CDH12: variants seen among roughly 807,000 people sequenced by gnomAD.
The protein encoded by CDH12 is cadherin 12, also known as cadherin-12.
Under a neutral mutation model 74.1 loss-of-function variants are expected in CDH12, and 41 were observed. The observed-to-expected ratio is 0.55, with a 90% confidence interval of 0.43 to 0.72. CDH12 has a LOEUF of 0.72. Ranked by LOEUF, CDH12 falls within the 30% of genes least tolerant of loss-of-function variation. The probability of loss-of-function intolerance (pLI) is 0.00; values close to 1 mark genes in which losing one functional copy is unlikely to be tolerated. For synonymous variants in CDH12, 399 were observed against 355.0 expected (o/e 1.12, Z -1.39); for missense variants, 945 against 977.2 (o/e 0.97, Z 0.44).
intron 4 of CDH12, chr5:22,141,400 A>T (rs534010183): frequency 2.0e-5 from 3 of 152,182 alleles, no homozygotes; most frequent in Non-Finnish European, 4.4e-5. Context: ...TTTGTATGTA[A>T]GTTGAGACCT....
chr5:21,774,850 A>G (rs1168193832), intron 11 of CDH12, among the ~76,000 whole-genome samples: 2 of 152,214 alleles, frequency 1.3e-5, no homozygotes. Context: ...AGTCAACTAC[A>G]GTCTTTGAGT....
chr5:22,366,455 C>A (rs1741034144), intron 3 of CDH12, among the ~76,000 whole-genome samples: 1 of 152,072 alleles, frequency 6.6e-6, no homozygotes, highest in Admixed American at 6.6e-5. Context: ...TATATAACAT[C>A]TTTGTCCTTA....
chr5:21,842,084 A>T, intron 8 of CDH12, 77 bp downstream of exon 8: 1 of 1,073,916 alleles, frequency 9.3e-7, no homozygotes, highest in Non-Finnish European at 1.4e-6. Context: ...AATGATTGTC[A>T]TTCCCATAGC....
intron 3 of CDH12, among the ~76,000 whole-genome samples, chr5:22,287,266 G>A (rs1737180890): frequency 6.6e-6 from 1 of 151,954 alleles, no homozygotes; most frequent in African/African-American, 2.4e-5. Flanking sequence ...CCTACAGAGA[G>A]GAATGCGAAA....
intron 6 of CDH12, among the ~76,000 whole-genome samples, chr5:21,887,608 C>T (rs532924193): frequency 4.1e-4 from 63 of 152,292 alleles, no homozygotes; most frequent in Admixed American, 2.5e-3. Context: ...TTTGCACTTA[C>T]ACTTCTTCCA....
At chr5:22,356,155 G>T (rs1377362812) in intron 3 of CDH12, among the ~76,000 whole-genome samples, 1 of 152,128 alleles carries the variant, frequency 6.6e-6, no homozygotes, top group African/African-American at 2.4e-5. Flanking sequence ...TTCATTTTAA[G>T]CTCTGTAACA....
At chr5:22,362,752 T>C (rs1403981806) in intron 3 of CDH12, among the ~76,000 whole-genome samples, 1 of 151,500 alleles carries the variant, frequency 6.6e-6, no homozygotes, top group African/African-American at 2.4e-5. Context: ...TATGCAGCCA[T>C]AAAAAAGGAT....
chr5:22,758,736 G>A (rs1035352870), intron 1 of CDH12, among the ~76,000 whole-genome samples: 5 of 151,984 alleles, frequency 3.3e-5, no homozygotes, highest in South Asian at 2.1e-4. Context: ...ATAAATCTTC[G>A]TAGTGACAAA....
chr5:22,372,011 T>C (rs1339510458), intron 3 of CDH12, among the ~76,000 whole-genome samples: 1 of 152,192 alleles, frequency 6.6e-6, no homozygotes, highest in African/African-American at 2.4e-5. Flanking sequence ...GTTTGAAGAA[T>C]GAAATGTGGA....
chr5:22,418,073 T>C (rs1743475746), intron 2 of CDH12, among the ~76,000 whole-genome samples: 1 of 152,212 alleles, frequency 6.6e-6, no homozygotes. Context: ...TTGATTCTCC[T>C]ACCCATGAGA....
chr5:21,951,280 ACT>A (rs1158074465), intron 6 of CDH12, among the ~76,000 whole-genome samples: 2 of 151,942 alleles, frequency 1.3e-5, no homozygotes, highest in Non-Finnish European at 2.9e-5. Context: ...GCGGAGTCTC[ACT>A]CTGTTCGCCA....
At chr5:22,504,777 A>C (rs1258411271) in intron 2 of CDH12, among the ~76,000 whole-genome samples, 1 of 152,092 alleles carries the variant, frequency 6.6e-6, no homozygotes, top group Non-Finnish European at 1.5e-5. Context: ...ATATTCGTAA[A>C]GAAGAGAAAA....
At chr5:21,895,220 G>T (rs1254051730) in intron 6 of CDH12, among the ~76,000 whole-genome samples, 2 of 152,098 alleles carry the variant, frequency 1.3e-5, no homozygotes, top group East Asian at 3.9e-4. Context: ...GAAATGGAAT[G>T]TATCTCCCCC....
At chr5:22,231,117 AC>A (rs1187579693) in intron 3 of CDH12, among the ~76,000 whole-genome samples, 1 of 152,168 alleles carries the variant, frequency 6.6e-6, no homozygotes, top group Non-Finnish European at 1.5e-5. Context: ...CAATCATGAA[AC>A]TTTAATCTTC....
In CDH12 at chr5:22,454,278, T is replaced by C. The variant is rs1236507743; in HGVS notation, c.-427-48927A>G. On this transcript the variant is annotated intron_variant, in intron 2 of 14. Coordinates refer to ENST00000382254, the MANE Select transcript of CDH12 (RefSeq NM_004061.5). ...CTAACAATTAGTCTTTCGTATATCA[T>C]AGAAAGATAAAACTTAAATTTTACT... Among the ~76,000 whole-genome samples, 3 of 152,202 alleles carry C rather than the reference T, an allele frequency of 2.0e-5. No individual in the cohort carries two copies. The East Asian group carries it at 5.8e-4, about 29-fold the overall frequency.
chr5:22,681,624 T>C (rs547443202), intron 1 of CDH12, among the ~76,000 whole-genome samples: 2 of 152,222 alleles, frequency 1.3e-5, no homozygotes, highest in Non-Finnish European at 2.9e-5. Context: ...TTTTAACTTT[T>C]AAAATTATCT....
intron 6 of CDH12, among the ~76,000 whole-genome samples, chr5:21,922,950 A>ATATCTG: frequency 7.0e-6 from 1 of 142,076 alleles, no homozygotes; most frequent in South Asian, 2.1e-4. Flanking sequence ...ATCTATATCT[A>ATATCTG]TATCTATATC....
chr5:22,569,315 C>A (rs765678023), intron 1 of CDH12, among the ~76,000 whole-genome samples: 38 of 152,052 alleles, frequency 2.5e-4, no homozygotes, highest in Non-Finnish European at 2.4e-4. Flanking sequence ...GTGTGTGGCA[C>A]CCCACACCAC....
At chr5:22,080,827 T>G (rs1446491685) in intron 4 of CDH12, among the ~76,000 whole-genome samples, 5 of 152,170 alleles carry the variant, frequency 3.3e-5, no homozygotes, top group Non-Finnish European at 5.9e-5. Flanking sequence ...TCTCCCAGGC[T>G]GGAGCGCAGT....
Sources: gnomAD v4.1 joint callset for allele counts (sites outside exome capture counted in the v4.1 genomes callset) on GRCh38, gnomAD v4.1.1 for gene constraint, MANE v1.5 for transcripts, NCBI Gene and HGNC (gene_info 2026-07-23, HGNC 2026-07-21) for gene names.